The following VPS13B variants were observed in gnomAD, a reference collection of about 807,000 sequenced individuals.
VPS13B encodes vacuolar protein sorting 13 homolog B.
VPS13B carries 285 observed loss-of-function variants against 426.4 expected under a neutral mutation model. The observed-to-expected ratio is 0.67, with a 90% CI of 0.61 to 0.74. VPS13B has a LOEUF of 0.74. Ranked by LOEUF, VPS13B falls within the 30% of genes least tolerant of loss-of-function variation. VPS13B has a pLI of 0.00. For missense variants in VPS13B, 4,537 were observed against 4,782.6 expected (o/e 0.95, Z 1.51); for synonymous variants, 1,676 against 1,676.4 (o/e 1.00, Z 0.01).
chr8:99,876,165 A>C lies in VPS13B; in HGVS notation c.*499A>C. On this transcript the variant is annotated 3_prime_UTR_variant, in exon 62 of 62. Transcript: ENST00000357162. ...AATGGAGAGCCAGAGTTAAAACTTC[A>C]AGTTGCATCTGTTTTTGGGCTGAGT... 1 of 168,996 alleles carries C rather than the reference A, an allele frequency of 5.9e-6. No homozygotes were observed. Among genetic ancestry groups the C allele is most frequent in the Non-Finnish European group, 1.3e-5 (1 of 77,104 alleles). 10.5% of individuals were successfully genotyped at this position (168,996 alleles called of 1,614,324 possible). A position where few individuals can be genotyped will look rare whatever the true frequency, so the allele number is the denominator to read the frequency against.
At chr8:99,762,999 A>C (rs919024796) in intron 39 of VPS13B, among the ~76,000 whole-genome samples, 1 of 151,666 alleles carries the variant, frequency 6.6e-6, no homozygotes, top group African/African-American at 2.4e-5. Flanking sequence ...TTAGTCAGGC[A>C]TGGTGGCACG....
chr8:99,569,498 A>G (rs549924293), intron 31 of VPS13B, among the ~76,000 whole-genome samples: 2 of 151,912 alleles, frequency 1.3e-5, no homozygotes, highest in Admixed American at 1.3e-4. Flanking sequence ...ACCATCTAGC[A>G]TTTCTTATTC....
At chr8:99,017,388 A>G (rs1327780989) in intron 2 of VPS13B, among the ~76,000 whole-genome samples, 1 of 152,190 alleles carries the variant, frequency 6.6e-6, no homozygotes, top group African/African-American at 2.4e-5. Context: ...AGCTTTTATA[A>G]TAAGACTTGG....
chr8:99,369,895 A>G (rs768357284), intron 19 of VPS13B, among the ~76,000 whole-genome samples: 14 of 152,216 alleles, frequency 9.2e-5, no homozygotes, highest in Non-Finnish European at 1.5e-4. Context: ...AAGGAATAGC[A>G]TACATAAAAT....
intron 23 of VPS13B, among the ~76,000 whole-genome samples, chr8:99,455,792 A>G (rs1048785406): frequency 3.3e-5 from 5 of 152,292 alleles, no homozygotes; most frequent in Non-Finnish European, 7.3e-5. Context: ...GATGTAGCAT[A>G]TATCAGTAGT....
In VPS13B at chr8:99,182,199, A is replaced by T. The variant is rs188436644; in HGVS notation, c.2334-10677A>T. Among the ~76,000 whole-genome samples the T allele has an allele frequency of 3.6e-4, 55 of 152,328 alleles. No homozygotes were observed. In the East Asian group the frequency reaches 0.01, roughly 29 times the overall value. On this transcript the variant is annotated intron_variant, in intron 16 of 61. Coordinates refer to ENST00000357162, the MANE Select transcript of VPS13B (RefSeq NM_152564.5). The stretch of plus-strand genomic sequence containing the variant: ...AAAAAATAATGAACTACTGATATAT[A>T]CAGTTGTGTTTCCTGAGTGAAAAGA...
intron 37 of VPS13B, 55 bp from the exon 38 acceptor site, chr8:99,720,290 G>A (rs1833083473): frequency 2.9e-6 from 4 of 1,378,738 alleles, no homozygotes; most frequent in Admixed American, 3.5e-5. Flanking sequence ...TACCTAATTA[G>A]TCTCAAGAAA....
chr8:99,087,615 G>GT (rs796919366), intron 3 of VPS13B, among the ~76,000 whole-genome samples: 2,742 of 129,034 alleles, frequency 0.021, 30 homozygotes, highest in African/African-American at 0.041. Flanking sequence ...CTGTTTTTTT[G>GT]TTTTTTTTTT....
chr8:99,461,304 G>A (rs1474788449), intron 23 of VPS13B, among the ~76,000 whole-genome samples: 2 of 152,086 alleles, frequency 1.3e-5, no homozygotes, highest in South Asian at 2.1e-4. Flanking sequence ...ACAACTGTGA[G>A]TGTGGTAGAC....
chr8:99,049,707 G>A (rs1372197855), intron 3 of VPS13B, among the ~76,000 whole-genome samples: 1 of 152,070 alleles, frequency 6.6e-6, no homozygotes, highest in Non-Finnish European at 1.5e-5. Context: ...GTCTTTGGAT[G>A]TCTAGGTTTC....
intron 21 of VPS13B, among the ~76,000 whole-genome samples, chr8:99,395,057 G>A (rs1156452119): frequency 6.6e-6 from 1 of 152,212 alleles, no homozygotes; most frequent in Non-Finnish European, 1.5e-5. Flanking sequence ...GTGCAGGAGT[G>A]TGATTCCTCA....
chr8:99,191,082 C>A (rs1813546923), intron 16 of VPS13B, among the ~76,000 whole-genome samples: 1 of 151,604 alleles, frequency 6.6e-6, no homozygotes, highest in African/African-American at 2.4e-5. Context: ...TGACAGTTTT[C>A]CTTTTTCTTT....
At chr8:99,798,592 T>G (rs1317999937) in intron 43 of VPS13B, among the ~76,000 whole-genome samples, 3 of 152,196 alleles carry the variant, frequency 2.0e-5, no homozygotes, top group Non-Finnish European at 4.4e-5. Context: ...TTCTGGAGTT[T>G]TCTGCAAGCC....
At chr8:99,079,478 A>G (rs1845326980) in intron 3 of VPS13B, among the ~76,000 whole-genome samples, 3 of 152,250 alleles carry the variant, frequency 2.0e-5, no homozygotes, top group South Asian at 2.1e-4. Flanking sequence ...TTGGCATGCT[A>G]TCCATGTTGA....
intron 21 of VPS13B, among the ~76,000 whole-genome samples, 155 bp downstream of exon 21, chr8:99,391,859 T>C (rs1349314501): frequency 6.6e-6 from 1 of 152,194 alleles, no homozygotes; most frequent in Non-Finnish European, 1.5e-5. Context: ...ATAATCACAG[T>C]ATTAGCATTT....
At chr8:99,363,141 G>T (rs1588294150) in intron 19 of VPS13B, among the ~76,000 whole-genome samples, 1 of 152,292 alleles carries the variant, frequency 6.6e-6, no homozygotes, top group African/African-American at 2.4e-5. Context: ...TGAGGTCTTA[G>T]ATTTAAGTCT....
At chr8:99,680,070 A>T (rs1314009108) in intron 35 of VPS13B, among the ~76,000 whole-genome samples, 2 of 152,158 alleles carry the variant, frequency 1.3e-5, no homozygotes, top group Admixed American at 6.6e-5. Context: ...TGTCTAAAAA[A>T]TTTTTTATCT....
At chr8:99,860,198 A>G (rs1018823159) in intron 57 of VPS13B, among the ~76,000 whole-genome samples, 1 of 152,226 alleles carries the variant, frequency 6.6e-6, no homozygotes, top group African/African-American at 2.4e-5. Context: ...GGTCTGTGAA[A>G]GTCTCTGGAA....
intron 19 of VPS13B, among the ~76,000 whole-genome samples, chr8:99,288,069 A>G (rs1819540595): frequency 6.6e-6 from 1 of 152,030 alleles, no homozygotes; most frequent in African/African-American, 2.4e-5. Context: ...TTGTTGTCTA[A>G]TAGTAGGCAA....
Sources: allele counts gnomAD v4.1 joint callset (sites outside exome capture counted in the v4.1 genomes callset), GRCh38; gene constraint gnomAD v4.1.1; transcripts MANE v1.5; gene names NCBI Gene and HGNC (gene_info 2026-07-23, HGNC 2026-07-21).